SEMA3D: variants seen among roughly 807,000 people sequenced by gnomAD.
SEMA3D encodes semaphorin-3D.
A neutral mutation model predicts 100.1 loss-of-function variants in SEMA3D; 84 were observed. That is an observed-to-expected ratio of 0.84 (90% CI 0.70 to 1.01). The LOEUF (loss-of-function observed/expected upper bound fraction) is 1.01. Among genes scored for constraint, SEMA3D ranks in the 50% least tolerant of loss-of-function variants. The pLI is 0.00. For missense variants in SEMA3D, 875 were observed against 934.1 expected (o/e 0.94, Z 0.82); for synonymous variants, 312 against 320.7 (o/e 0.97, Z 0.29).
At chr7:85,121,507 G>C (rs764749988) in intron 3 of SEMA3D, among the ~76,000 whole-genome samples, 1 of 152,144 alleles carries the variant, frequency 6.6e-6, no homozygotes, top group Non-Finnish European at 1.5e-5. Context: ...ACCACTTGCA[G>C]ATCAAATTGA....
At chr7:85,152,925 G>A (rs1790469468) in intron 2 of SEMA3D, among the ~76,000 whole-genome samples, 3 of 152,138 alleles carry the variant, frequency 2.0e-5, no homozygotes, top group Admixed American at 2.0e-4. Flanking sequence ...ACTGTGACAT[G>A]TTCAAATCAA....
intron 12 of SEMA3D, among the ~76,000 whole-genome samples, chr7:85,025,343 C>T (rs948217330): frequency 6.6e-6 from 1 of 151,948 alleles, no homozygotes; most frequent in East Asian, 2.0e-4. Flanking sequence ...CCTAGACACA[C>T]CCTGAGATGA....
chr7:85,077,850 T>C (rs1295693959), intron 5 of SEMA3D, among the ~76,000 whole-genome samples: 1 of 152,140 alleles, frequency 6.6e-6, no homozygotes, highest in Non-Finnish European at 1.5e-5. Context: ...AAAAGTCTAC[T>C]CAATAATCAA....
At chr7:85,191,360 G>T (rs911499107), upstream of SEMA3D, among the ~76,000 whole-genome samples, 4 of 150,072 alleles carry the variant, frequency 2.7e-5, no homozygotes, top group African/African-American at 7.4e-5. Context: ...AGGATTTTAA[G>T]GAAAAATAAA....
intron 10 of SEMA3D, chr7:85,041,432 T>G (rs1468111798): frequency 6.6e-6 from 1 of 152,090 alleles, no homozygotes; most frequent in East Asian, 1.9e-4. Flanking sequence ...GTAAGTTATG[T>G]GCAAATAATA....
intron 3 of SEMA3D, among the ~76,000 whole-genome samples, chr7:85,107,848 C>G (rs779910051): frequency 6.6e-5 from 10 of 151,832 alleles, no homozygotes; most frequent in Non-Finnish European, 1.3e-4. Flanking sequence ...ATATTTATTC[C>G]TACTGCCCGC....
At chr7:85,067,445 T>C (rs146686839) in intron 7 of SEMA3D, among the ~76,000 whole-genome samples, 2 of 152,286 alleles carry the variant, frequency 1.3e-5, no homozygotes, top group African/African-American at 4.8e-5. Flanking sequence ...AAATCACTAG[T>C]TCTCACTAAG....
chr7:85,040,131 C>T (rs959104560), intron 11 of SEMA3D, among the ~76,000 whole-genome samples: 4 of 151,814 alleles, frequency 2.6e-5, no homozygotes, highest in African/African-American at 9.7e-5. Context: ...CATGTGCCTC[C>T]ATGCCCAGCT....
At position 85,090,127 on chromosome 7, in the gene SEMA3D, G is replaced by A. The variant is rs1788341832; in HGVS notation, c.312+7678C>T. On this transcript the variant is annotated intron_variant, in intron 4 of 18. Coordinates refer to ENST00000284136, the MANE Select transcript of SEMA3D (RefSeq NM_001384900.1). Reference sequence around the variant, plus strand: ...GTAAGCACTGATGTCTGGTGTCAAGGAACATTGCTTTTTCTTCCTACCACC... The same window carrying A: ...GTAAGCACTGATGTCTGGTGTCAAGAAACATTGCTTTTTCTTCCTACCACC... Among the ~76,000 whole-genome samples the A allele has an allele frequency of 2.0e-5, 3 of 152,230 alleles. No individual in the cohort carries two copies. The South Asian group carries it at 6.2e-4, about 32-fold the overall frequency.
At chr7:85,224,706 T>G in the SEMA3D span, among the ~76,000 whole-genome samples, 22 of 152,208 alleles carry the variant, frequency 1.4e-4, no homozygotes, top group African/African-American at 4.8e-4. Context: ...CTAGAAATGG[T>G]CCTGTAATTA....
intron 3 of SEMA3D, among the ~76,000 whole-genome samples, chr7:85,114,933 A>C (rs1789194724): frequency 6.6e-6 from 1 of 152,348 alleles, no homozygotes; most frequent in Admixed American, 6.5e-5. Flanking sequence ...CTTTTCTATG[A>C]AATTTTGATT....
the SEMA3D span, among the ~76,000 whole-genome samples, chr7:85,207,873 A>G: frequency 6.6e-6 from 1 of 152,032 alleles, no homozygotes; most frequent in African/African-American, 2.4e-5. Context: ...TATCTTGGTC[A>G]TTTATTATAG....
upstream of SEMA3D, among the ~76,000 whole-genome samples, chr7:85,190,358 C>T (rs901808727): frequency 1.3e-5 from 2 of 152,088 alleles, no homozygotes; most frequent in Non-Finnish European, 2.9e-5. Context: ...TAAATATCAC[C>T]TTATAAACGT....
the SEMA3D span, among the ~76,000 whole-genome samples, chr7:85,225,924 C>A: frequency 6.6e-6 from 1 of 152,140 alleles, no homozygotes; most frequent in Non-Finnish European, 1.5e-5. Flanking sequence ...ACATACTATA[C>A]TTTACAAATA....
intron 1 of SEMA3D, among the ~76,000 whole-genome samples, chr7:85,183,861 A>G (rs533632190): frequency 6.6e-6 from 1 of 152,376 alleles, no homozygotes; most frequent in South Asian, 2.1e-4. Context: ...TGGTACTGAA[A>G]TACGAAGTAA....
chr7:85,222,839 CA>C, the SEMA3D span, among the ~76,000 whole-genome samples: 1 of 152,100 alleles, frequency 6.6e-6, no homozygotes, highest in Admixed American at 6.6e-5. Context: ...ATGAAAATAT[CA>C]AGGTCTCTTG....
the SEMA3D span, among the ~76,000 whole-genome samples, chr7:85,201,318 T>G: frequency 6.6e-6 from 1 of 152,184 alleles, no homozygotes; most frequent in Non-Finnish European, 1.5e-5. Context: ...TTTAAGCCCC[T>G]TCATTACAAT....
At chr7:85,029,473 A>G (rs1257163577) in intron 12 of SEMA3D, 2 of 709,192 alleles carry the variant, frequency 2.8e-6, no homozygotes, top group African/African-American at 3.5e-5. Flanking sequence ...GATTCTTAGC[A>G]AGTGCCATGA....
In SEMA3D at chr7:84,999,516, A is replaced by G; in HGVS notation, c.2258T>C (p.Met753Thr). ...RNKGGPKWKH[M>T]QEMKKKRNRR... ...ATTTCGTTTCTTCTTCATTTCCTGC[A>G]TGTGCTTCCACTTTGGGCCCCCCTT... Residue 753 changes from methionine (M) to threonine (T), a missense_variant, in exon 19 of 19, where the codon ATG becomes ACG. Coordinates refer to ENST00000284136, the MANE Select transcript of SEMA3D (RefSeq NM_001384900.1). The G allele has an allele frequency of 1.2e-6, 2 of 1,614,040 alleles. No homozygotes were observed. Among genetic ancestry groups the G allele is most frequent in the Non-Finnish European group, 1.7e-6 (2 of 1,180,016 alleles).
Sources: gnomAD v4.1 joint callset for allele counts (sites outside exome capture counted in the v4.1 genomes callset) on GRCh38, gnomAD v4.1.1 for gene constraint, MANE v1.5 for transcripts, NCBI Gene and HGNC (gene_info 2026-07-23, HGNC 2026-07-21) for gene names.